The following COMMD10 variants were observed in gnomAD, a reference collection of about 807,000 sequenced individuals.
COMMD10 encodes the protein COMM domain-containing protein 10.
Under a neutral mutation model 28.9 loss-of-function variants are expected in COMMD10, and 33 were observed. The observed-to-expected ratio is 1.14, with a 90% CI of 0.87 to 1.53. The LOEUF (loss-of-function observed/expected upper bound fraction) is 1.53. Among genes scored for constraint, COMMD10 ranks in the 40% most tolerant of loss-of-function variants. COMMD10 has a pLI of 0.00. For missense variants in COMMD10, 310 were observed against 233.4 expected (o/e 1.33, Z -2.14); for synonymous variants, 110 against 81.7 (o/e 1.35, Z -1.87).
intron 5 of COMMD10, among the ~76,000 whole-genome samples, chr5:116,233,401 G>A (rs1749577457): frequency 6.6e-6 from 1 of 152,082 alleles, no homozygotes; most frequent in Non-Finnish European, 1.5e-5. Flanking sequence ...GGCATCCTTT[G>A]GAGGACTTGA....
intron 5 of COMMD10, among the ~76,000 whole-genome samples, chr5:116,165,617 T>C (rs1186148559): frequency 6.6e-6 from 1 of 152,066 alleles, no homozygotes; most frequent in Non-Finnish European, 1.5e-5. Context: ...GGTGTATCTG[T>C]GTGTGTGTTT....
At chr5:116,237,095 G>GCTAT in intron 5 of COMMD10, among the ~76,000 whole-genome samples, 1 of 152,076 alleles carries the variant, frequency 6.6e-6, no homozygotes, top group Admixed American at 6.6e-5. Flanking sequence ...AAAGACTGTG[G>GCTAT]CTATCTGAAT....
At chr5:116,133,203 T>C (rs1219040373) in intron 4 of COMMD10, among the ~76,000 whole-genome samples, 1 of 152,210 alleles carries the variant, frequency 6.6e-6, no homozygotes, top group Non-Finnish European at 1.5e-5. Flanking sequence ...CTTCCCTAAA[T>C]ATTGATACTT....
chr5:116,216,971 A>G (rs1296753952), intron 5 of COMMD10, among the ~76,000 whole-genome samples: 1 of 152,112 alleles, frequency 6.6e-6, no homozygotes, highest in Admixed American at 6.5e-5. Context: ...ATTTATCAGG[A>G]TGTTTTGAGG....
At chr5:116,122,458 A>C (rs1252527607) in intron 4 of COMMD10, among the ~76,000 whole-genome samples, 2 of 152,288 alleles carry the variant, frequency 1.3e-5, no homozygotes, top group Non-Finnish European at 1.5e-5. Flanking sequence ...TTGACTTGGC[A>C]ATGAGGGCTC....
At chr5:116,161,015 T>C (rs1418889605) in intron 5 of COMMD10, among the ~76,000 whole-genome samples, 3 of 152,142 alleles carry the variant, frequency 2.0e-5, no homozygotes, top group African/African-American at 7.2e-5. Flanking sequence ...TGATGGTAAA[T>C]AGTAGGGCTT....
chr5:116,206,415 C>A (rs1257605816), intron 5 of COMMD10, among the ~76,000 whole-genome samples: 1 of 152,064 alleles, frequency 6.6e-6, no homozygotes, highest in Non-Finnish European at 1.5e-5. Context: ...CTTTGGGAGG[C>A]CAAGGTGGGC....
intron 5 of COMMD10, among the ~76,000 whole-genome samples, chr5:116,153,535 A>G (rs1752605469): frequency 6.6e-6 from 1 of 152,262 alleles, no homozygotes; most frequent in East Asian, 1.9e-4. Context: ...AATAATGATA[A>G]TAGATAGCAT....
At chr5:116,184,600 A>T (rs1056753996) in intron 5 of COMMD10, among the ~76,000 whole-genome samples, 1 of 152,154 alleles carries the variant, frequency 6.6e-6, no homozygotes, top group Non-Finnish European at 1.5e-5. Context: ...AACCTAAAAA[A>T]GCAGCGTCAA....
rs554200783 is a variant in COMMD10 at position 116,150,792 on chromosome 5, G to T, written c.510+16614G>T. Among the ~76,000 whole-genome samples, 159 of 119,934 alleles carry T rather than the reference G, an allele frequency of 1.3e-3. 1 individual carries two copies. Among genetic ancestry groups the T allele is most frequent in the African/African-American group, 4.6e-3 (154 of 33,822 alleles). The allele number at this position is 119,934 out of a possible 152,430, so 78.7% of individuals were successfully genotyped here. A position where few individuals can be genotyped will look rare whatever the true frequency, so the allele number is the denominator to read the frequency against. On this transcript the variant is annotated intron_variant, in intron 5 of 6. Transcript: ENST00000274458. ...TGGGGTTTTCTAGATATACAATCAT[G>T]TCATCTGCAAACAGGGACAATTTGA...
intron 5 of COMMD10, among the ~76,000 whole-genome samples, chr5:116,251,701 C>A (rs377612861): frequency 6.6e-6 from 1 of 150,596 alleles, no homozygotes; most frequent in Non-Finnish European, 1.5e-5. Flanking sequence ...CATTGATGGA[C>A]ATTTGGGTTG....
intron 4 of COMMD10, among the ~76,000 whole-genome samples, chr5:116,107,594 G>A (rs1308886296): frequency 2.0e-5 from 3 of 151,942 alleles, no homozygotes; most frequent in Admixed American, 2.0e-4. Flanking sequence ...TTTTTTTCAA[G>A]GTTCTTAGCT....
At chr5:116,259,620 C>G (rs1329993572) in intron 5 of COMMD10, among the ~76,000 whole-genome samples, 1 of 151,512 alleles carries the variant, frequency 6.6e-6, no homozygotes, top group Non-Finnish European at 1.5e-5. Context: ...TTCATCAGCC[C>G]AAATGAGAAT....
intron 5 of COMMD10, among the ~76,000 whole-genome samples, chr5:116,264,073 A>C (rs542918478): frequency 1.3e-5 from 2 of 151,770 alleles, no homozygotes; most frequent in Non-Finnish European, 2.9e-5. Context: ...CTACTATGTA[A>C]AATGCAAGAG....
intron 5 of COMMD10, among the ~76,000 whole-genome samples, chr5:116,228,459 T>G (rs1222143471): frequency 6.6e-6 from 1 of 151,980 alleles, no homozygotes; most frequent in African/African-American, 2.4e-5. Context: ...CATTTATCAC[T>G]TTCATATGTA....
At chr5:116,106,268 G>C (rs1750836696) in intron 4 of COMMD10, among the ~76,000 whole-genome samples, 1 of 152,096 alleles carries the variant, frequency 6.6e-6, no homozygotes, top group African/African-American at 2.4e-5. Context: ...GCGGCAGGTT[G>C]TTCAGTTTCC....
At chr5:116,139,294 A>T (rs1430521882) in intron 5 of COMMD10, among the ~76,000 whole-genome samples, 2 of 151,762 alleles carry the variant, frequency 1.3e-5, no homozygotes, top group African/African-American at 2.4e-5. Context: ...TTATGTAGTA[A>T]GTAAAGTATA....
At chr5:116,135,869 A>G (rs188193222) in intron 5 of COMMD10, among the ~76,000 whole-genome samples, 2 of 152,162 alleles carry the variant, frequency 1.3e-5, no homozygotes, top group African/African-American at 4.8e-5. Flanking sequence ...AGTTTAGTGT[A>G]GTGTAACCTC....
intron 5 of COMMD10, among the ~76,000 whole-genome samples, chr5:116,206,320 A>G (rs1748812337): frequency 1.3e-5 from 2 of 152,106 alleles, no homozygotes; most frequent in African/African-American, 2.4e-5. Flanking sequence ...CCATATGCAC[A>G]TTTATCATTG....
Sources: gnomAD v4.1 joint callset for allele counts (sites outside exome capture counted in the v4.1 genomes callset) on GRCh38, gnomAD v4.1.1 for gene constraint, MANE v1.5 for transcripts, NCBI Gene and HGNC (gene_info 2026-07-23, HGNC 2026-07-21) for gene names.